TMEM132C: variants seen among roughly 807,000 people sequenced by gnomAD.
TMEM132C encodes transmembrane protein 132C.
TMEM132C carries 29 observed loss-of-function variants against 61.4 expected under a neutral mutation model. That is an observed-to-expected ratio of 0.47 (90% CI 0.35 to 0.64). The LOEUF (loss-of-function observed/expected upper bound fraction) is 0.64. Among genes scored for constraint, TMEM132C ranks in the 30% least tolerant of loss-of-function variants. The pLI is 0.00. For missense variants in TMEM132C, 1,408 were observed against 1,476.9 expected, an observed-to-expected ratio of 0.95 and a Z score of 0.76; for synonymous variants, 656 against 633.1, an observed-to-expected ratio of 1.04 and a Z score of -0.54.
intron 1 of TMEM132C, among the ~76,000 whole-genome samples, chr12:128,373,768 C>T (rs561988495): frequency 3.4e-4 from 52 of 152,252 alleles, no homozygotes; most frequent in African/African-American, 9.6e-4. Flanking sequence ...GAGTGAACAC[C>T]GGTAGGTCTG....
intron 1 of TMEM132C, among the ~76,000 whole-genome samples, chr12:128,377,467 T>A (rs1874232026): frequency 6.6e-6 from 1 of 152,236 alleles, no homozygotes; most frequent in Admixed American, 6.5e-5. Flanking sequence ...GGTGGTGTTT[T>A]TCCCATTGTA....
intron 3 of TMEM132C, among the ~76,000 whole-genome samples, chr12:128,558,208 T>A (rs576205560): frequency 6.6e-6 from 1 of 152,290 alleles, no homozygotes; most frequent in Non-Finnish European, 1.5e-5. Context: ...TATCTTGCAT[T>A]ATAATTGTGG....
chr12:128,648,523 G>T lies in TMEM132C; in HGVS notation c.1306-20894G>T, dbSNP rs554123879. ...TTACTGGAGTCTGTCAGCGTTGGAT[G>T]AGTGTGTTTACTGGAGTCCATCAGC... On this transcript the variant is annotated intron_variant, in intron 4 of 8. Coordinates refer to ENST00000435159, the MANE Select transcript of TMEM132C (RefSeq NM_001136103.3). Among the ~76,000 whole-genome samples the T allele has an allele frequency of 3.3e-5, 5 of 152,002 alleles. No homozygotes were observed. The South Asian group carries it at 1.0e-3, about 32-fold the overall frequency.
chr12:128,691,336 T>C (rs1954717855), intron 5 of TMEM132C, among the ~76,000 whole-genome samples: 1 of 152,256 alleles, frequency 6.6e-6, no homozygotes, highest in African/African-American at 2.4e-5. Context: ...AGTCTCTCAC[T>C]GCATCGTCCA....
At chr12:128,654,740 T>C (rs113581323) in intron 4 of TMEM132C, among the ~76,000 whole-genome samples, 10,712 of 152,224 alleles carry the variant, frequency 0.07, 515 homozygotes, top group African/African-American at 0.13. Context: ...GTTTTAGACA[T>C]GGATCTTAAT....
chr12:128,268,944 G>C (rs1214577567), intron 1 of TMEM132C, among the ~76,000 whole-genome samples: 1 of 101,046 alleles, frequency 9.9e-6, no homozygotes, highest in Non-Finnish European at 1.8e-5. Context: ...AGAGAGGGGG[G>C]AAAGGGGGTG....
At chr12:128,325,974 G>A (rs906027176) in intron 1 of TMEM132C, among the ~76,000 whole-genome samples, 2 of 152,044 alleles carry the variant, frequency 1.3e-5, no homozygotes, top group East Asian at 1.9e-4. Context: ...GTGGTCCCTC[G>A]TTGCACACGT....
At position 128,707,241 on chromosome 12, in the gene TMEM132C, G is replaced by C. The variant is rs1394711534; in HGVS notation, c.*946G>C. 2.0e-5 allele frequency: 3 copies of C among 152,166 alleles called. No individual in the cohort carries two copies. The highest frequency in any genetic ancestry group is 7.2e-5 in the African/African-American group (3 of 41,438). 9.4% of individuals were successfully genotyped at this position (152,166 alleles called of 1,614,324 possible). A position where few individuals can be genotyped will look rare whatever the true frequency, so the allele number is the denominator to read the frequency against. Reference sequence around the variant, plus strand: ...GGCCAGGAGAACAGAGCCCCACCTGGACCACCTGACCCCTCGGGATTCCAC... The same window carrying C: ...GGCCAGGAGAACAGAGCCCCACCTGCACCACCTGACCCCTCGGGATTCCAC... On this transcript the variant is annotated 3_prime_UTR_variant, in exon 9 of 9. Coordinates refer to ENST00000435159, the MANE Select transcript of TMEM132C (RefSeq NM_001136103.3).
At chr12:128,665,498 G>A (rs1954451302) in intron 4 of TMEM132C, among the ~76,000 whole-genome samples, 1 of 133,098 alleles carries the variant, frequency 7.5e-6, no homozygotes, top group Non-Finnish European at 1.6e-5. Context: ...CAGAGGCACA[G>A]GTACCCATAT....
chr12:128,316,124 G>T (rs1463896836), intron 1 of TMEM132C, among the ~76,000 whole-genome samples: 1 of 151,916 alleles, frequency 6.6e-6, no homozygotes, highest in African/African-American at 2.4e-5. Context: ...ACTTTTGTAG[G>T]TTTATTTTGT....
intron 8 of TMEM132C, among the ~76,000 whole-genome samples, chr12:128,700,990 G>A (rs1954799693): frequency 6.6e-6 from 1 of 152,160 alleles, no homozygotes; most frequent in African/African-American, 2.4e-5. Flanking sequence ...AATGCAACCA[G>A]TAGAGTGTAT....
chr12:128,376,715 T>C (rs1008379552), intron 1 of TMEM132C, among the ~76,000 whole-genome samples: 2 of 152,216 alleles, frequency 1.3e-5, no homozygotes, highest in Admixed American at 6.5e-5. Context: ...GTAAAGGGTA[T>C]GCATCTCACT....
intron 2 of TMEM132C, among the ~76,000 whole-genome samples, chr12:128,511,611 G>C (rs970298795): frequency 6.6e-6 from 1 of 152,200 alleles, no homozygotes; most frequent in Non-Finnish European, 1.5e-5. Flanking sequence ...TCCTGGCCTT[G>C]TATCACAACA....
chr12:128,445,906 A>G (rs1396950600), intron 2 of TMEM132C, among the ~76,000 whole-genome samples: 1 of 152,152 alleles, frequency 6.6e-6, no homozygotes, highest in African/African-American at 2.4e-5. Flanking sequence ...AGAGGCCACA[A>G]AGCACCAGAG....
chr12:128,437,251 A>T (rs1869630742), intron 2 of TMEM132C, among the ~76,000 whole-genome samples: 1 of 152,258 alleles, frequency 6.6e-6, no homozygotes, highest in Non-Finnish European at 1.5e-5. Context: ...CATATGGAAC[A>T]AACCTGCACG....
intron 1 of TMEM132C, among the ~76,000 whole-genome samples, chr12:128,383,680 G>T (rs547540910): frequency 2.0e-5 from 3 of 152,098 alleles, no homozygotes; most frequent in Admixed American, 6.5e-5. Context: ...GGGGACCATC[G>T]GTGTTTCTGG....
At chr12:128,377,278 C>T (rs1593030935) in intron 1 of TMEM132C, among the ~76,000 whole-genome samples, 1 of 152,204 alleles carries the variant, frequency 6.6e-6, no homozygotes, top group East Asian at 1.9e-4. Context: ...TGGTCTTGAA[C>T]TCCTGACCTC....
At chr12:128,536,701 A>G (rs1478362113) in intron 2 of TMEM132C, among the ~76,000 whole-genome samples, 1 of 152,124 alleles carries the variant, frequency 6.6e-6, no homozygotes, top group Non-Finnish European at 1.5e-5. Flanking sequence ...CCTTTTAACT[A>G]TTCACAAGAA....
chr12:128,706,255 A>ACCC lies in TMEM132C; in HGVS notation c.3287_3288insCCC (p.Glu1096delinsAspPro). On this transcript the variant is annotated protein_altering_variant, in exon 9 of 9. Transcript: ENST00000435159. Reference sequence around the variant, plus strand: ...GACGTGGCTGTGGGTGCCCCCAAGGAACTTAGAAACTATCTGGAGAAACTC... The same window carrying ACCC: ...GACGTGGCTGTGGGTGCCCCCAAGGACCCACTTAGAAACTATCTGGAGAAACTC... The ACCC allele has an allele frequency of 6.5e-7, 1 of 1,549,920 alleles. No individual in the cohort carries two copies. Among genetic ancestry groups the ACCC allele is most frequent in the South Asian group, 1.2e-5 (1 of 83,880 alleles).
Sources: allele counts gnomAD v4.1 joint callset (sites outside exome capture counted in the v4.1 genomes callset), GRCh38; gene constraint gnomAD v4.1.1; transcripts MANE v1.5; gene names NCBI Gene and HGNC (gene_info 2026-07-23, HGNC 2026-07-21).